Variants in WWOX observed in about 807,000 individuals in gnomAD.
The protein encoded by WWOX is WW domain containing oxidoreductase.
Under a neutral mutation model 46.2 loss-of-function variants are expected in WWOX, and 69 were observed. That is an observed-to-expected ratio of 1.49 (90% CI 1.23 to 1.82). WWOX has a LOEUF of 1.82. WWOX is among the 40% of genes most tolerant of loss of function. The pLI, the probability that WWOX is intolerant of heterozygous loss-of-function variation, is 0.00. For missense variants in WWOX, 919 were observed against 542.6 expected, an observed-to-expected ratio of 1.69 and a Z score of -6.89; for synonymous variants, 359 against 202.6, an observed-to-expected ratio of 1.77 and a Z score of -6.56.
intron 4 of WWOX, among the ~76,000 whole-genome samples, chr16:78,154,266 G>A (rs1365356330): frequency 3.3e-5 from 5 of 152,230 alleles, no homozygotes; most frequent in African/African-American, 7.2e-5. Flanking sequence ...CTGGTCACAA[G>A]GCCACAGTAT....
intron 4 of WWOX, chr16:78,123,440 G>GGTTTTTTTTTTTTTTT (rs1555538263): frequency 2.0e-5 from 1 of 50,500 alleles, no homozygotes; most frequent in Non-Finnish European, 3.7e-5. Context: ...TTTTTGTTTT[G>GGTTTTTTTTTTTTTTT]TTTTTTTTTT....
intron 8 of WWOX, among the ~76,000 whole-genome samples, chr16:78,920,539 G>GT (rs1567649887): frequency 6.6e-6 from 1 of 152,170 alleles, no homozygotes; most frequent in South Asian, 2.1e-4. Context: ...GTAGAAAGCA[G>GT]TTATTGTTTC....
At chr16:78,996,601 A>G (rs536013902) in intron 8 of WWOX, among the ~76,000 whole-genome samples, 1 of 152,126 alleles carries the variant, frequency 6.6e-6, no homozygotes, top group Admixed American at 6.5e-5. Flanking sequence ...AGTTTACAAC[A>G]GTATTTAGAT....
intron 8 of WWOX, among the ~76,000 whole-genome samples, chr16:78,476,357 C>CA (rs369437818): frequency 0.053 from 8,108 of 152,066 alleles, 499 homozygotes; most frequent in African/African-American, 0.15. Flanking sequence ...GTTGCAAGGA[C>CA]AAAAAACCAA....
chr16:79,087,734 C>T (rs759829927), intron 8 of WWOX, among the ~76,000 whole-genome samples: 2 of 152,224 alleles, frequency 1.3e-5, no homozygotes, highest in Non-Finnish European at 2.9e-5. Context: ...ACTTGCAACA[C>T]TTTCTCTGGA....
At chr16:78,501,201 T>TTTTTTTTTC (rs2085058709) in intron 8 of WWOX, among the ~76,000 whole-genome samples, 1 of 147,838 alleles carries the variant, frequency 6.8e-6, no homozygotes, top group Non-Finnish European at 1.5e-5. Context: ...CTCTTTTTTT[T>TTTTTTTTTC]TTTTTGAAAA....
At chr16:78,985,205 G>C (rs796555577) in intron 8 of WWOX, among the ~76,000 whole-genome samples, 3 of 152,320 alleles carry the variant, frequency 2.0e-5, no homozygotes, top group East Asian at 3.9e-4. Context: ...CTTAACTCTG[G>C]AGAGAGCTCC....
chr16:78,844,451 T>C (rs929724464), intron 8 of WWOX, among the ~76,000 whole-genome samples: 1 of 152,098 alleles, frequency 6.6e-6, no homozygotes, highest in Non-Finnish European at 1.5e-5. Context: ...CTGAAGATAA[T>C]AGGGAAGCCT....
At chr16:79,082,633 C>G (rs920800365) in intron 8 of WWOX, among the ~76,000 whole-genome samples, 5 of 152,278 alleles carry the variant, frequency 3.3e-5, no homozygotes, top group Non-Finnish European at 4.4e-5. Flanking sequence ...CATCCTATAC[C>G]TATAGTTACA....
At chr16:79,108,509 G>C (rs1035525653) in intron 8 of WWOX, among the ~76,000 whole-genome samples, 1 of 152,242 alleles carries the variant, frequency 6.6e-6, no homozygotes, top group African/African-American at 2.4e-5. Context: ...AGGCTGAGCT[G>C]TGCAGTCCTG....
At position 78,362,112 on chromosome 16, in the gene WWOX, CT is replaced by C. The variant is rs1436084982; in HGVS notation, c.517-24743del. Among the ~76,000 whole-genome samples, 24 of 152,098 alleles carry C rather than the reference CT, an allele frequency of 1.6e-4. 1 individual carries two copies. The highest frequency in any genetic ancestry group is 1.6e-3 in the Admixed American group (24 of 15,258). On this transcript the variant is annotated intron_variant, in intron 5 of 8. Coordinates refer to ENST00000566780, the MANE Select transcript of WWOX (RefSeq NM_016373.4). ...TCACTACATTCTTCCTCACTCCCCA[CT>C]TTTTATGTCCGGTGGCCATAGGCTG...
chr16:78,722,790 C>T (rs2048726293), intron 8 of WWOX, among the ~76,000 whole-genome samples: 1 of 148,442 alleles, frequency 6.7e-6, no homozygotes, highest in South Asian at 2.2e-4. Context: ...GCTGTAATCT[C>T]AGCACTTTAG....
At chr16:78,796,043 C>T (rs2050727666) in intron 8 of WWOX, among the ~76,000 whole-genome samples, 1 of 152,094 alleles carries the variant, frequency 6.6e-6, no homozygotes, top group Non-Finnish European at 1.5e-5. Context: ...AATATTTGCT[C>T]AAAGACAGTA....
chr16:79,015,339 C>T (rs1344452509), intron 8 of WWOX, among the ~76,000 whole-genome samples: 1 of 152,190 alleles, frequency 6.6e-6, no homozygotes, highest in Non-Finnish European at 1.5e-5. Context: ...ACCATGATTT[C>T]CAGCCGTGTG....
intron 8 of WWOX, among the ~76,000 whole-genome samples, chr16:79,021,824 G>T (rs573769111): frequency 2.0e-5 from 3 of 152,314 alleles, no homozygotes; most frequent in South Asian, 4.1e-4. Context: ...GCACTAGCTT[G>T]TAGCTTGTTC....
intron 5 of WWOX, among the ~76,000 whole-genome samples, chr16:78,383,219 C>T (rs1220034991): frequency 1.3e-5 from 2 of 151,984 alleles, no homozygotes; most frequent in African/African-American, 4.8e-5. Context: ...CATCAGGTGA[C>T]ATCCCAGTAA....
At chr16:78,386,050 C>T (rs1439693456) in intron 5 of WWOX, among the ~76,000 whole-genome samples, 2 of 152,210 alleles carry the variant, frequency 1.3e-5, no homozygotes, top group East Asian at 3.9e-4. Context: ...TCCAGTTCTC[C>T]TGGTTTCTTG....
intron 8 of WWOX, among the ~76,000 whole-genome samples, chr16:78,852,466 G>T (rs1278345501): frequency 6.6e-6 from 1 of 152,186 alleles, no homozygotes. Context: ...GCTTCCAACA[G>T]TCAGACCAGA....
intron 8 of WWOX, among the ~76,000 whole-genome samples, chr16:78,582,463 C>T (rs186927217): frequency 6.6e-5 from 10 of 152,222 alleles, no homozygotes; most frequent in East Asian, 3.9e-4. Context: ...TATGACCTGA[C>T]GTTGATTGGC....
Sources: allele counts gnomAD v4.1 joint callset (sites outside exome capture counted in the v4.1 genomes callset), GRCh38; gene constraint gnomAD v4.1.1; transcripts MANE v1.5; gene names NCBI Gene and HGNC (gene_info 2026-07-23, HGNC 2026-07-21).